The following C1GALT1 variants were observed in gnomAD, a reference collection of about 807,000 sequenced individuals.
C1GALT1 encodes glycoprotein-N-acetylgalactosamine 3-beta-galactosyltransferase 1.
Under a neutral mutation model 31.0 loss-of-function variants are expected in C1GALT1, and 11 were observed. The ratio of observed to expected loss-of-function variants is 0.36; its 90% CI spans 0.22 to 0.59. C1GALT1 has a LOEUF of 0.59. Among genes scored for constraint, C1GALT1 ranks in the 20% least tolerant of loss-of-function variants. The pLI, the probability that C1GALT1 is intolerant of heterozygous loss-of-function variation, is 0.79. For missense variants in C1GALT1, 424 were observed against 425.2 expected, an observed-to-expected ratio of 1.00 and a Z score of 0.03; for synonymous variants, 175 against 143.6, an observed-to-expected ratio of 1.22 and a Z score of -1.56.
chr7:7,187,948 C>G (rs1207803544), intron 1 of C1GALT1, among the ~76,000 whole-genome samples: 1 of 152,002 alleles, frequency 6.6e-6, no homozygotes, highest in African/African-American at 2.4e-5. Flanking sequence ...AGTGGAGTTC[C>G]GTGAAAGGAT....
At chr7:7,197,630 G>T (rs1375940089) in intron 1 of C1GALT1, among the ~76,000 whole-genome samples, 1 of 152,042 alleles carries the variant, frequency 6.6e-6, no homozygotes, top group African/African-American at 2.4e-5. Flanking sequence ...AATTACCTTG[G>T]GCAGTATGGC....
chr7:7,164,812 G>A (rs1236654259), intron 2 of C1GALT1, among the ~76,000 whole-genome samples: 1 of 152,146 alleles, frequency 6.6e-6, no homozygotes, highest in African/African-American at 2.4e-5. Flanking sequence ...GCTGTAAGCT[G>A]AAGGTCATCT....
At chr7:7,196,250 T>C (rs183319879) in intron 1 of C1GALT1, among the ~76,000 whole-genome samples, 3,350 of 140,918 alleles carry the variant, frequency 0.024, 112 homozygotes, top group African/African-American at 0.081. Flanking sequence ...TGTGTGATGT[T>C]CCCCACCCTG....
At position 7,182,761 on chromosome 7, in the gene C1GALT1, C is replaced by T; in HGVS notation, c.-77C>T. The T allele has an allele frequency of 3.0e-6, 3 of 983,686 alleles. No individual in the cohort carries two copies. Among genetic ancestry groups the T allele is most frequent in the East Asian group, 1.1e-4 (1 of 8,786 alleles). 60.9% of individuals were successfully genotyped at this position (983,686 alleles called of 1,614,324 possible). On this transcript the variant is annotated 5_prime_UTR_variant, in exon 1 of 4. Transcript: ENST00000436587. The stretch of plus-strand genomic sequence containing the variant: ...CCCAGAGAAGCAAAGGTCACCAGTC[C>T]CAAGTCGTCCCCCTCTCCGCCCCCC...
chr7:7,196,055 T>C (rs1781272325), intron 1 of C1GALT1, among the ~76,000 whole-genome samples: 1 of 152,114 alleles, frequency 6.6e-6, no homozygotes, highest in Non-Finnish European at 1.5e-5. Flanking sequence ...TTGTTGTTTT[T>C]GTAATTTAAT....
chr7:7,182,907 G>GT (rs1470940139), intron 1 of C1GALT1, 87 bp downstream of exon 1: 7 of 936,206 alleles, frequency 7.5e-6, no homozygotes, highest in Non-Finnish European at 8.9e-6. Flanking sequence ...GTGGGGAAGC[G>GT]TGGAGGATGG....
chr7:7,226,590 G>A (rs1782769843), intron 1 of C1GALT1, among the ~76,000 whole-genome samples: 1 of 152,162 alleles, frequency 6.6e-6, no homozygotes, highest in Admixed American at 6.5e-5. Flanking sequence ...AGACCATGGA[G>A]TAATATTTAC....
At chr7:7,198,786 TA>T (rs1781409338) in intron 1 of C1GALT1, among the ~76,000 whole-genome samples, 2 of 152,236 alleles carry the variant, frequency 1.3e-5, no homozygotes, top group Non-Finnish European at 2.9e-5. Flanking sequence ...TCCAGGAATT[TA>T]TCCATTTCTT....
rs1783482773 is a variant in C1GALT1, at chr7:7,238,733, A to G, written c.699A>G (p.Thr233=). The G allele has an allele frequency of 6.2e-7, 1 of 1,613,944 alleles. No homozygotes were observed. The highest frequency in any genetic ancestry group is 1.1e-5 in the South Asian group (1 of 91,070). ...ATGCATTTAAAACAGACAAGTGTAC[A>G]CATAGTTCCTCCATTGAAGACTTAG... ...FVDAFKTDKC[T]HSSSIEDLAL... The change falls in exon 3 of 4, where the codon ACA becomes ACG. Residue 233 remains threonine (T), a synonymous_variant. Coordinates refer to ENST00000436587, the MANE Select transcript of C1GALT1 (RefSeq NM_020156.5). This position sits in a 1 kb window ranked among gnomAD's most constrained non-coding sequence, Gnocchi z 5.2.
intron 2 of C1GALT1, among the ~76,000 whole-genome samples, chr7:7,235,863 A>G (rs1783312654): frequency 6.6e-6 from 1 of 152,172 alleles, no homozygotes; most frequent in Non-Finnish European, 1.5e-5. Context: ...TTGTCAGTAC[A>G]TTCTAACAGT....
At chr7:7,178,253 C>T (rs938165895), upstream of C1GALT1, 27 of 229,582 alleles carry the variant, frequency 1.2e-4, no homozygotes, top group Non-Finnish European at 2.2e-4. Flanking sequence ...GACCTGTTGG[C>T]GAGCCATGAA....
At chr7:7,157,670 C>G (rs1013893864) in intron 2 of C1GALT1, among the ~76,000 whole-genome samples, 1 of 152,120 alleles carries the variant, frequency 6.6e-6, no homozygotes, top group African/African-American at 2.4e-5. Flanking sequence ...TGTCTATTAG[C>G]TTCCCTAAAG....
At chr7:7,178,548 G>A (rs533451598), upstream of C1GALT1, among the ~76,000 whole-genome samples, 1 of 152,218 alleles carries the variant, frequency 6.6e-6, no homozygotes, top group East Asian at 1.9e-4. Context: ...AAGTTTCAAG[G>A]ATTCCGTTGT....
At chr7:7,239,674 C>G (rs1783533062) in intron 3 of C1GALT1, among the ~76,000 whole-genome samples, 1 of 152,122 alleles carries the variant, frequency 6.6e-6, no homozygotes, top group Non-Finnish European at 1.5e-5. Flanking sequence ...AGAATTTTAT[C>G]TAAAGTGCAT....
intron 2 of C1GALT1, among the ~76,000 whole-genome samples, chr7:7,235,736 C>T (rs1357202783): frequency 6.6e-6 from 1 of 152,222 alleles, no homozygotes; most frequent in Non-Finnish European, 1.5e-5. Flanking sequence ...CCTTCCTACT[C>T]CTAGAAGTTG....
chr7:7,244,054 T>G lies in C1GALT1; in HGVS notation c.*327T>G, dbSNP rs1295011931. On this transcript the variant is annotated 3_prime_UTR_variant, in exon 4 of 4. Coordinates refer to ENST00000436587, the MANE Select transcript of C1GALT1 (RefSeq NM_020156.5). Reference sequence around the variant, plus strand: ...TGTTATTGTCACTGAGAAACTAAAATAGTAAATTTACTAAAACTACACTGC... The same window carrying G: ...TGTTATTGTCACTGAGAAACTAAAAGAGTAAATTTACTAAAACTACACTGC... 5.8e-6 allele frequency: 1 copy of G among 173,760 alleles called. No homozygotes were observed. Among genetic ancestry groups the G allele is most frequent in the African/African-American group, 2.4e-5 (1 of 42,218 alleles). The allele number at this position is 173,760 out of a possible 1,614,324, so 10.8% of individuals were successfully genotyped here. A position where few individuals can be genotyped will look rare whatever the true frequency, so the allele number is the denominator to read the frequency against.
At chr7:7,230,128 A>G (rs1322901220) in intron 1 of C1GALT1, among the ~76,000 whole-genome samples, 1 of 152,190 alleles carries the variant, frequency 6.6e-6, no homozygotes, top group Non-Finnish European at 1.5e-5. Context: ...AATGCAGCAT[A>G]AGCATGGTGT....
chr7:7,214,524 C>A (rs900567615), intron 1 of C1GALT1, among the ~76,000 whole-genome samples: 2 of 152,170 alleles, frequency 1.3e-5, no homozygotes, highest in South Asian at 2.1e-4. Flanking sequence ...TTTAAATCCC[C>A]TGTTACTTGA....
At chr7:7,229,841 G>A (rs1466444838) in intron 1 of C1GALT1, among the ~76,000 whole-genome samples, 1 of 152,156 alleles carries the variant, frequency 6.6e-6, no homozygotes, top group Non-Finnish European at 1.5e-5. Flanking sequence ...TGGTTTTCCT[G>A]TGGCAAATTT....
Sources: gnomAD v4.1 joint callset for allele counts (sites outside exome capture counted in the v4.1 genomes callset) on GRCh38, gnomAD v4.1.1 for gene constraint, Gnocchi (gnomAD v3.1) non-coding constraint, MANE v1.5 for transcripts, NCBI Gene and HGNC (gene_info 2026-07-23, HGNC 2026-07-21) for gene names.